LAMA3: variants seen among roughly 807,000 people sequenced by gnomAD.
The protein encoded by LAMA3 is laminin subunit alpha-3.
LAMA3 carries 281 observed loss-of-function variants against 402.0 expected under a neutral mutation model. That is an observed-to-expected ratio of 0.70 (90% CI 0.63 to 0.77). The LOEUF (loss-of-function observed/expected upper bound fraction) is 0.77. LAMA3 is among the 30% of genes least tolerant of loss of function. The pLI is 0.00. For synonymous variants in LAMA3, 1,431 were observed against 1,558.4 expected, an observed-to-expected ratio of 0.92 and a Z score of 1.93; for missense variants, 3,840 against 4,215.5, an observed-to-expected ratio of 0.91 and a Z score of 2.47.
chr18:23,693,041 G>A (rs938694021), intron 1 of LAMA3, among the ~76,000 whole-genome samples: 2 of 152,034 alleles, frequency 1.3e-5, no homozygotes, highest in African/African-American at 4.8e-5. Context: ...TACAAAAAAA[G>A]CAGTTAAAAA....
chr18:23,796,529 T>C (rs943431171), intron 12 of LAMA3, among the ~76,000 whole-genome samples: 3 of 152,158 alleles, frequency 2.0e-5, no homozygotes, highest in Non-Finnish European at 2.9e-5. Flanking sequence ...CTAAGAAAGA[T>C]TGGGAAACCC....
intron 1 of LAMA3, among the ~76,000 whole-genome samples, chr18:23,691,244 G>A (rs1209846067): frequency 6.6e-6 from 1 of 152,040 alleles, no homozygotes; most frequent in African/African-American, 2.4e-5. Context: ...TGCCATATGT[G>A]CTTATTTACT....
In LAMA3 at chr18:23,861,715, GGCA is replaced by G. The variant is rs1308845376; in HGVS notation, c.4496_4498del (p.Ser1499del). 6.2e-7 allele frequency: 1 copy of G among 1,614,164 alleles called. No individual in the cohort carries two copies. The highest frequency in any genetic ancestry group is 2.2e-5 in the East Asian group (1 of 44,882). The stretch of plus-strand genomic sequence containing the variant: ...GGACATCCCTGTCTCTTTCAACCCA[GGCA>G]GCAACAGTATGGTGGCGGATCTCCA... On this transcript the variant is annotated inframe_deletion, in exon 35 of 75. Coordinates refer to ENST00000313654, the MANE Select transcript of LAMA3 (RefSeq NM_198129.4).
At chr18:23,867,970 T>C in intron 37 of LAMA3, 53 bp downstream of exon 37, 1 of 1,327,594 alleles carries the variant, frequency 7.5e-7, no homozygotes, top group East Asian at 2.3e-5. Context: ...ACTTAATTAT[T>C]TCAGACAATC....
rs751490767 is a variant in LAMA3, at chr18:23,839,191, G to C, written c.3191+313G>C. The stretch of plus-strand genomic sequence containing the variant: ...TTTGTTCCAATCTTTTAATCTTTCT[G>C]TCTGAGACTCTTCATTTAGAAAACC... On this transcript the variant is annotated intron_variant, in intron 26 of 74. Transcript: ENST00000313654. This position sits in a 1 kb window ranked among gnomAD's most constrained non-coding sequence, Gnocchi z 4.5. Among the ~76,000 whole-genome samples the C allele has an allele frequency of 6.6e-6, 1 of 152,174 alleles. No homozygotes were observed. Among genetic ancestry groups the C allele is most frequent in the Non-Finnish European group, 1.5e-5 (1 of 68,046 alleles).
chr18:23,797,835 C>G (rs1240194518), intron 12 of LAMA3, among the ~76,000 whole-genome samples: 2 of 152,130 alleles, frequency 1.3e-5, no homozygotes, highest in Non-Finnish European at 2.9e-5. Flanking sequence ...CCAGACTTTC[C>G]TAAGTACAAT....
Position 23,816,397 on chromosome 18 carries a change from G to A in LAMA3, c.2057G>A (p.Cys686Tyr). Reference protein sequence around the residue: ...SNYFGCQGCQCDIGGALSSMC... With the variant: ...SNYFGCQGCQYDIGGALSSMC... ...GTTTCCTGGCTTTCAGGGTGTCAGT[G>A]TGACATTGGTGGGGCATTGTCCTCC... The change falls in exon 18 of 75, where the codon TGT (cysteine) becomes TAT (tyrosine). Residue 686 changes from cysteine (C) to tyrosine (Y), a missense_variant. By Grantham distance (194) the Cys-to-Tyr change is radical. Transcript: ENST00000313654. 1 of 1,613,966 alleles carries A rather than the reference G, an allele frequency of 6.2e-7. No individual in the cohort carries two copies. Among genetic ancestry groups the A allele is most frequent in the Non-Finnish European group, 8.5e-7 (1 of 1,179,868 alleles).
chr18:23,819,203 T>C (rs1435783626), intron 18 of LAMA3, among the ~76,000 whole-genome samples: 1 of 150,708 alleles, frequency 6.6e-6, no homozygotes, highest in Non-Finnish European at 1.5e-5. Context: ...GAACTTTAAG[T>C]AGATTGTTAA....
chr18:23,718,817 C>A (rs1048718865), intron 2 of LAMA3, among the ~76,000 whole-genome samples: 1 of 152,218 alleles, frequency 6.6e-6, no homozygotes. Context: ...TTGCTTCCTG[C>A]CTGAAGGCTC....
At chr18:23,745,309 G>A (rs1425287749) in intron 2 of LAMA3, among the ~76,000 whole-genome samples, 23 of 152,050 alleles carry the variant, frequency 1.5e-4, no homozygotes, top group Admixed American at 1.5e-3. Context: ...GGACAGAGAG[G>A]CTCCCTTCTG....
Position 23,837,065 on chromosome 18 carries a change from G to A in LAMA3, c.3069G>A (p.Lys1023=). ...TGGCAGATGCAGACATTCAGCTCAAGGGACACATGGCCCGATTCCTTCTGG... is the reference window on the plus strand; with the variant it reads ...TGGCAGATGCAGACATTCAGCTCAAAGGACACATGGCCCGATTCCTTCTGG... ...ELLADADIQL[K]GHMARFLLHQ... Residue 1023 remains lysine (K), a synonymous_variant, in exon 25 of 75, where the codon AAG becomes AAA. Transcript: ENST00000313654. The A allele has an allele frequency of 6.2e-7, 1 of 1,612,576 alleles. No individual in the cohort carries two copies. Among genetic ancestry groups the A allele is most frequent in the Non-Finnish European group, 8.5e-7 (1 of 1,178,622 alleles).
intron 47 of LAMA3, among the ~76,000 whole-genome samples, chr18:23,900,595 T>A (rs994836961): frequency 6.6e-6 from 1 of 152,202 alleles, no homozygotes; most frequent in Non-Finnish European, 1.5e-5. Context: ...CTAGAGAAAA[T>A]GCCTCGTTAG....
intron 34 of LAMA3, among the ~76,000 whole-genome samples, chr18:23,860,231 T>G (rs1038811227): frequency 2.6e-5 from 4 of 151,622 alleles, no homozygotes; most frequent in African/African-American, 9.7e-5. Flanking sequence ...ACCTATTTTA[T>G]CATATCTTTT....
In LAMA3 at chr18:23,759,798, T is replaced by C. The variant is rs143284049; in HGVS notation, c.1063+1287T>C. On this transcript the variant is annotated intron_variant, in intron 7 of 74. Transcript: ENST00000313654. ...TGTTCCCAGTGGTCTTCCAAGGGAG[T>C]TTTGAGAGATGCTAAAGTTCTGGGA... 3.9e-3 allele frequency among the ~76,000 whole-genome samples: 596 copies of C among 152,124 alleles called. 4 individuals are homozygous for C. The highest frequency in any genetic ancestry group is 0.014 in the African/African-American group (567 of 41,484).
chr18:23,859,209 C>T (rs150110354), intron 34 of LAMA3, among the ~76,000 whole-genome samples: 1 of 152,170 alleles, frequency 6.6e-6, no homozygotes, highest in East Asian at 1.9e-4. Context: ...TTAAATAAAT[C>T]GAGTTTGTCA....
At chr18:23,840,473 C>T (rs2063676878) in intron 27 of LAMA3, among the ~76,000 whole-genome samples, 1 of 149,400 alleles carries the variant, frequency 6.7e-6, no homozygotes, top group Non-Finnish European at 1.5e-5. Flanking sequence ...GCCTCCAACT[C>T]CTGGGCTCAG....
chr18:23,817,549 A>T (rs930605251), intron 18 of LAMA3, among the ~76,000 whole-genome samples: 8 of 150,754 alleles, frequency 5.3e-5, no homozygotes, highest in African/African-American at 9.8e-5. Context: ...CGATCCCTAT[A>T]AAAAAAAATA....
chr18:23,857,272 A>G (rs952327085), intron 32 of LAMA3, among the ~76,000 whole-genome samples: 1 of 152,268 alleles, frequency 6.6e-6, no homozygotes, highest in East Asian at 1.9e-4. Context: ...TGTCCTGATG[A>G]TCTGACACCA....
chr18:23,736,411 T>G (rs1289335306), intron 2 of LAMA3, among the ~76,000 whole-genome samples: 1 of 151,484 alleles, frequency 6.6e-6, no homozygotes, highest in Non-Finnish European at 1.5e-5. Context: ...AGTGAGACTA[T>G]CTTTCACATT....
Sources: allele counts gnomAD v4.1 joint callset (sites outside exome capture counted in the v4.1 genomes callset), GRCh38; gene constraint gnomAD v4.1.1; non-coding constraint Gnocchi (gnomAD v3.1); transcripts MANE v1.5; gene names NCBI Gene and HGNC (gene_info 2026-07-23, HGNC 2026-07-21).